The following ZNF160 variants were observed in gnomAD, a reference collection of about 807,000 sequenced individuals.
The protein encoded by ZNF160 is zinc finger protein 160.
A neutral mutation model predicts 13.1 loss-of-function variants in ZNF160; 9 were observed. The observed-to-expected ratio is 0.69, with a 90% CI of 0.41 to 1.20. ZNF160 has a LOEUF of 1.20. ZNF160 is among the 50% of genes most tolerant of loss of function. The pLI, the probability that ZNF160 is intolerant of heterozygous loss-of-function variation, is 0.01. For missense variants in ZNF160, 838 were observed against 988.0 expected (o/e 0.85, Z 2.04); for synonymous variants, 293 against 333.2 (o/e 0.88, Z 1.31).
At chr19:53,073,239 T>C in intron 5 of ZNF160, 3 of 1,467,220 alleles carry the variant, frequency 2.0e-6, no homozygotes, top group Non-Finnish European at 9.0e-7. Context: ...ATTTCTGTGC[T>C]GAAGCCTGGA....
At chr19:53,086,683 G>A (rs942149491) in intron 2 of ZNF160, among the ~76,000 whole-genome samples, 1 of 152,144 alleles carries the variant, frequency 6.6e-6, no homozygotes, top group Non-Finnish European at 1.5e-5. Context: ...ATCCCAGGCT[G>A]AGCTCAGCCT....
At chr19:53,086,942 C>T (rs2084858264) in intron 2 of ZNF160, among the ~76,000 whole-genome samples, 1 of 152,150 alleles carries the variant, frequency 6.6e-6, no homozygotes, top group African/African-American at 2.4e-5. Context: ...AGGATCCAGA[C>T]TGGATATTGA....
intron 2 of ZNF160, among the ~76,000 whole-genome samples, chr19:53,087,138 G>A (rs1323351849): frequency 1.3e-5 from 2 of 152,202 alleles, no homozygotes; most frequent in African/African-American, 2.4e-5. Flanking sequence ...GGGAGTTCTA[G>A]GCAGAGGGCC....
At chr19:53,096,846 A>C (rs934087212) in intron 1 of ZNF160, among the ~76,000 whole-genome samples, 1 of 128,180 alleles carries the variant, frequency 7.8e-6, no homozygotes, top group African/African-American at 3.1e-5. Context: ...GCGTGTGCAT[A>C]GGATGAGATG....
rs1568475710 is a variant in ZNF160 at position 53,070,147 on chromosome 19, A to T, written c.387T>A (p.Phe129Leu). ...ERHESPDIED[F>L]SFKEPQKNVH... Reference sequence around the variant, plus strand: ...CATTTTTCTGGGGTTCCTTGAAGGAAAAGTCTTCAATGTCAGGGCTTTCGT... The same window carrying T: ...CATTTTTCTGGGGTTCCTTGAAGGATAAGTCTTCAATGTCAGGGCTTTCGT... Residue 129 changes from phenylalanine to leucine, a missense_variant, in exon 6 of 6, where the codon TTT becomes TTA. Coordinates refer to ENST00000683776, the MANE Select transcript of ZNF160 (RefSeq NM_001322131.2). 1.2e-6 allele frequency: 2 copies of T among 1,614,156 alleles called. No homozygotes were observed. The highest frequency in any genetic ancestry group is 1.7e-6 in the Non-Finnish European group (2 of 1,180,042).
At chr19:53,084,751 T>C (rs2084765029) in intron 3 of ZNF160, among the ~76,000 whole-genome samples, 1 of 152,102 alleles carries the variant, frequency 6.6e-6, no homozygotes, top group Non-Finnish European at 1.5e-5. Flanking sequence ...AGTGGCAAGT[T>C]TGCTTAATGA....
chr19:53,070,296 T>C, intron 5 of ZNF160, 34 bp from the exon 6 acceptor site: 1 of 1,499,684 alleles, frequency 6.7e-7, no homozygotes, highest in Non-Finnish European at 8.9e-7. Context: ...AATTTCCAAT[T>C]AATTACAGTA....
intron 3 of ZNF160, among the ~76,000 whole-genome samples, chr19:53,083,534 G>C (rs2084714447): frequency 6.6e-6 from 1 of 152,116 alleles, no homozygotes; most frequent in African/African-American, 2.4e-5. Context: ...TTGAGAAAGG[G>C]GTAAGCAACG....
intron 1 of ZNF160, among the ~76,000 whole-genome samples, chr19:53,095,078 G>A (rs1236778584): frequency 1.8e-4 from 3 of 16,606 alleles, no homozygotes; most frequent in South Asian, 2.2e-3. Context: ...CCGCCCCCAC[G>A]GTAGTCCCAC....
At chr19:53,071,158 TGCAC>T (rs2145479162) in intron 5 of ZNF160, among the ~76,000 whole-genome samples, 1 of 152,240 alleles carries the variant, frequency 6.6e-6, no homozygotes, top group East Asian at 1.9e-4. Context: ...ATCGTGCCAC[TGCAC>T]TCCAACCTGG....
chr19:53,087,292 G>A (rs2084874042), intron 2 of ZNF160, among the ~76,000 whole-genome samples: 1 of 152,218 alleles, frequency 6.6e-6, no homozygotes, highest in Non-Finnish European at 1.5e-5. Flanking sequence ...CACGCAGGGA[G>A]AGGTCTTCAA....
intron 3 of ZNF160, chr19:53,085,815 G>T: frequency 6.3e-6 from 3 of 473,484 alleles, no homozygotes; most frequent in East Asian, 3.4e-5. Flanking sequence ...TCACTTGTTC[G>T]GCTTCAAATG....
intron 5 of ZNF160, among the ~76,000 whole-genome samples, chr19:53,072,120 T>TA (rs930663634): frequency 1.3e-5 from 2 of 151,478 alleles, no homozygotes; most frequent in African/African-American, 2.4e-5. Flanking sequence ...TTTTTTTTTT[T>TA]AGACAGAGTC....
rs145321299 is a variant in ZNF160 at position 53,076,512 on chromosome 19, G to A, written c.16-1329C>T. Among the ~76,000 whole-genome samples the A allele has an allele frequency of 1.4e-4, 21 of 152,252 alleles. No homozygotes were observed. In the East Asian group the frequency reaches 3.5e-3, roughly 25 times the overall value. ...AAATTAGCCAGGCGTGGTGGCAGGC[G>A]CCTGTAATCCAAGCTACTCGGGAGG... On this transcript the variant is annotated intron_variant, in intron 3 of 5. Coordinates refer to ENST00000683776, the MANE Select transcript of ZNF160 (RefSeq NM_001322131.2).
chr19:53,102,932 C>A (rs529382661), intron 1 of ZNF160, among the ~76,000 whole-genome samples: 137 of 152,108 alleles, frequency 9.0e-4, no homozygotes, highest in Non-Finnish European at 9.6e-4. Context: ...GGGGCGACGG[C>A]GCCTTAGGAC....
rs8105668 is a variant in ZNF160, at chr19:53,074,166, G to A, written c.245C>T (p.Pro82Leu). 6.5e-5 allele frequency: 105 copies of A among 1,613,832 alleles called. 1 individual carries two copies. In the South Asian group the frequency reaches 1.1e-3, roughly 17 times the overall value. ...TGTGACCACGCCTTTGACACATTCC[G>A]GCGTTCTTGGTTTTCTTGCTATTTT... is the stretch of plus-strand genomic sequence containing the variant. ...CVKIARKPRT[P>L]ECVKGVVTDI... The change falls in exon 5 of 6, where the codon CCG becomes CTG. Residue 82 changes from proline to leucine, a missense_variant. Coordinates refer to ENST00000683776, the MANE Select transcript of ZNF160 (RefSeq NM_001322131.2).
intron 3 of ZNF160, among the ~76,000 whole-genome samples, chr19:53,083,432 AG>A (rs1256185089): frequency 6.6e-6 from 1 of 152,242 alleles, no homozygotes; most frequent in Non-Finnish European, 1.5e-5. Flanking sequence ...TCAAAGACAA[AG>A]GCCATGTGAA....
rs1568474122 is a variant in ZNF160 at position 53,069,523 on chromosome 19, T to TC, written c.1010dup (p.Glu338ArgfsTer7). ...ACTCATTACACTTGTAAGGTTTCTC[T>TC]CCAGTATGAATTCGCCGATGAGTTG... On this transcript the variant is annotated frameshift_variant, in exon 6 of 6. Coordinates refer to ENST00000683776, the MANE Select transcript of ZNF160 (RefSeq NM_001322131.2). LOFTEE classifies it low-confidence loss of function (END_TRUNC). This position sits in a 1 kb window ranked among gnomAD's most constrained non-coding sequence, Gnocchi z 4.4. The TC allele has an allele frequency of 6.2e-7, 1 of 1,614,132 alleles. No homozygotes were observed. Among genetic ancestry groups the TC allele is most frequent in the Non-Finnish European group, 8.5e-7 (1 of 1,180,032 alleles).
chr19:53,092,451 C>T (rs1403338499), intron 1 of ZNF160, among the ~76,000 whole-genome samples: 2 of 152,182 alleles, frequency 1.3e-5, no homozygotes, highest in Non-Finnish European at 2.9e-5. Context: ...ACCGGGATTA[C>T]AGGCACACGC....
Sources: gnomAD v4.1 joint callset for allele counts (sites outside exome capture counted in the v4.1 genomes callset) on GRCh38, gnomAD v4.1.1 for gene constraint, Gnocchi (gnomAD v3.1) non-coding constraint, MANE v1.5 for transcripts, NCBI Gene and HGNC (gene_info 2026-07-23, HGNC 2026-07-21) for gene names.